Variants in AJAP1 observed in about 807,000 individuals in gnomAD.
AJAP1 encodes the protein adherens junctions associated protein 1.
Under a neutral mutation model 35.0 loss-of-function variants are expected in AJAP1, and 5 were observed. That is an observed-to-expected ratio of 0.14 (90% confidence interval 0.07 to 0.30). The LOEUF (loss-of-function observed/expected upper bound fraction) is 0.30. AJAP1 is among the 10% of genes least tolerant of loss of function. The probability of loss-of-function intolerance (pLI) is 1.00; values close to 1 mark genes in which losing one functional copy is unlikely to be tolerated. For missense variants in AJAP1, 586 were observed against 571.0 expected (o/e 1.03, Z -0.27); for synonymous variants, 284 against 249.3 (o/e 1.14, Z -1.31).
intron 1 of AJAP1, among the ~76,000 whole-genome samples, chr1:4,707,561 C>T (rs967854654): frequency 3.9e-5 from 6 of 152,170 alleles, no homozygotes; most frequent in Non-Finnish European, 8.8e-5. Context: ...TTTCAAGGTG[C>T]TTCCACATTG....
chr1:4,685,581 C>T (rs535725471), intron 1 of AJAP1, among the ~76,000 whole-genome samples: 1 of 152,370 alleles, frequency 6.6e-6, no homozygotes, highest in South Asian at 2.1e-4. Flanking sequence ...ATGGCATCGA[C>T]AGATCACCCA....
intron 5 of AJAP1, among the ~76,000 whole-genome samples, chr1:4,781,673 C>T (rs897294275): frequency 2.0e-5 from 3 of 152,222 alleles, no homozygotes; most frequent in African/African-American, 7.2e-5. Flanking sequence ...CTCTGAGTGA[C>T]AGCAGAGGGA....
chr1:4,691,672 C>G (rs1639742641), intron 1 of AJAP1, among the ~76,000 whole-genome samples: 1 of 152,116 alleles, frequency 6.6e-6, no homozygotes, highest in Non-Finnish European at 1.5e-5. Flanking sequence ...CACCCGCTGA[C>G]TCCAGGAGTC....
In AJAP1 at chr1:4,723,325, C is replaced by G. The variant is rs1475265284; in HGVS notation, c.829+10626C>G. Among the ~76,000 whole-genome samples, 4 of 152,202 alleles carry G rather than the reference C, an allele frequency of 2.6e-5. No individual in the cohort carries two copies. The South Asian group carries it at 8.3e-4, about 32-fold the overall frequency. On this transcript the variant is annotated intron_variant, in intron 2 of 5. Coordinates refer to ENST00000378191, the MANE Select transcript of AJAP1 (RefSeq NM_018836.4). This position sits in a 1 kb window ranked among gnomAD's most constrained non-coding sequence, Gnocchi z 4.3. ...GTGGATACTCCTTGGATTCCTGAGT[C>G]TGCCACTCGGGGGCTGGTGCAGCCC... is the stretch of plus-strand genomic sequence containing the variant.
intron 1 of AJAP1, among the ~76,000 whole-genome samples, chr1:4,670,578 A>G (rs910145755): frequency 1.3e-5 from 2 of 152,220 alleles, no homozygotes; most frequent in Non-Finnish European, 2.9e-5. Context: ...CACTGGAAGC[A>G]GCGTTCTTGC....
At position 4,723,631 on chromosome 1, in the gene AJAP1, G is replaced by A. The variant is rs1174206111; in HGVS notation, c.829+10932G>A. 2.6e-5 allele frequency among the ~76,000 whole-genome samples: 4 copies of A among 152,152 alleles called. No individual in the cohort carries two copies. Among genetic ancestry groups the A allele is most frequent in the African/African-American group, 4.8e-5 (2 of 41,436 alleles). ...AGACGTGGTGAGGGGAGAGTCCTGC[G>A]AGGGCGATGGAAGGGAGACGGGAGG... On this transcript the variant is annotated intron_variant, in intron 2 of 5. Transcript: ENST00000378191. This position sits in a 1 kb window ranked among gnomAD's most constrained non-coding sequence, Gnocchi z 4.3.
chr1:4,747,208 T>A (rs976811779), intron 2 of AJAP1, among the ~76,000 whole-genome samples: 1 of 152,088 alleles, frequency 6.6e-6, no homozygotes, highest in Non-Finnish European at 1.5e-5. Flanking sequence ...TCAGCCTCAC[T>A]CCCTCCAGGA....
intron 2 of AJAP1, among the ~76,000 whole-genome samples, chr1:4,716,661 G>GATAATGATGGTA (rs1036111817): frequency 1.3e-5 from 2 of 151,186 alleles, no homozygotes. Flanking sequence ...TGATGGTGAT[G>GATAATGATGGTA]ATAATGATGG....
chr1:4,659,326 A>G (rs1638951148), intron 1 of AJAP1, among the ~76,000 whole-genome samples: 1 of 152,164 alleles, frequency 6.6e-6, no homozygotes, highest in Non-Finnish European at 1.5e-5. Flanking sequence ...CTGGCTTGAG[A>G]GGGTTTCTCC....
At chr1:4,678,342 A>G (rs2100524965) in intron 1 of AJAP1, among the ~76,000 whole-genome samples, 1 of 152,356 alleles carries the variant, frequency 6.6e-6, no homozygotes, top group Middle Eastern at 3.4e-3. Flanking sequence ...CAACTCATAC[A>G]TATTATCTCA....
chr1:4,712,467 C>A lies in AJAP1; in HGVS notation c.597C>A (p.Gly199=), dbSNP rs374804433. ...CCCTGGAGTCCAACACATTTCCGGG[C>A]GTTTACGGCCCCACCACGGTCTCCA... ...EEALESNTFP[G]VYGPTTVSIL... The change falls in exon 2 of 6, where the codon GGC becomes GGA. Residue 199 remains glycine, a synonymous_variant. Coordinates refer to ENST00000378191, the MANE Select transcript of AJAP1 (RefSeq NM_018836.4). The A allele has an allele frequency of 6.2e-5, 100 of 1,610,990 alleles. No homozygotes were observed. Among genetic ancestry groups the A allele is most frequent in the Non-Finnish European group, 8.0e-5 (94 of 1,178,938 alleles).
chr1:4,710,056 ACACT>A (rs1474766210), intron 1 of AJAP1, among the ~76,000 whole-genome samples: 8 of 152,128 alleles, frequency 5.3e-5, no homozygotes, highest in African/African-American at 1.7e-4. Context: ...ACACACAGAC[ACACT>A]CACACATAGA....
At chr1:4,703,133 A>G (rs909057744) in intron 1 of AJAP1, among the ~76,000 whole-genome samples, 1 of 152,236 alleles carries the variant, frequency 6.6e-6, no homozygotes, top group Non-Finnish European at 1.5e-5. Context: ...CAATCATATT[A>G]AATCAAGAGG....
chr1:4,698,651 C>T (rs984530293), intron 1 of AJAP1, among the ~76,000 whole-genome samples: 6 of 152,196 alleles, frequency 3.9e-5, no homozygotes, highest in East Asian at 1.9e-4. Flanking sequence ...CATCCTTCCT[C>T]GGTGTGACCG....
Position 4,712,290 on chromosome 1 carries a change from G to A in AJAP1, c.420G>A (p.Ala140=), listed in dbSNP as rs1011593029. ...LASSSSSSSS[A]VAGGAPEQQA... is the part of the protein sequence containing the mutation. ...CTTCGTCCTCGTCCTCGTCCTCCGC[G>A]GTGGCCGGTGGGGCCCCGGAGCAGC... The change falls in exon 2 of 6, where the codon GCG becomes GCA. Residue 140 remains alanine, a synonymous_variant. Coordinates refer to ENST00000378191, the MANE Select transcript of AJAP1 (RefSeq NM_018836.4). The A allele has an allele frequency of 2.0e-6, 3 of 1,498,800 alleles. No individual in the cohort carries two copies. Among genetic ancestry groups the A allele is most frequent in the Admixed American group, 2.3e-5 (1 of 43,434 alleles). 92.8% of individuals were successfully genotyped at this position (1,498,800 alleles called of 1,614,324 possible).
intron 2 of AJAP1, among the ~76,000 whole-genome samples, chr1:4,759,238 T>C (rs1641511173): frequency 6.6e-6 from 1 of 152,200 alleles, no homozygotes; most frequent in African/African-American, 2.4e-5. Context: ...GGCACATCAG[T>C]CCTGCACCAG....
rs372144757 is a variant in AJAP1 at position 4,665,771 on chromosome 1, TG to T, written c.29+10320del. Among the ~76,000 whole-genome samples the T allele has an allele frequency of 4.1e-4, 62 of 152,322 alleles. No individual in the cohort carries two copies. The East Asian group carries it at 0.012, about 29-fold the overall frequency. On this transcript the variant is annotated intron_variant, in intron 1 of 5. Coordinates refer to ENST00000378191, the MANE Select transcript of AJAP1 (RefSeq NM_018836.4). ...ACACGGATGAGTGGCCACCGCGTGC[TG>T]GGTGCTGTGCTGGGCACAGGGATGA...
intron 1 of AJAP1, among the ~76,000 whole-genome samples, chr1:4,710,358 C>G (rs192044804): frequency 6.6e-6 from 1 of 152,196 alleles, no homozygotes; most frequent in Non-Finnish European, 1.5e-5. Context: ...CGTGGACACA[C>G]CCCCAGATGC....
intron 2 of AJAP1, among the ~76,000 whole-genome samples, chr1:4,728,049 C>G (rs1640711472): frequency 6.6e-6 from 1 of 152,184 alleles, no homozygotes. Context: ...AAAGCCATAG[C>G]CAGACTCCAG....
Sources: gnomAD v4.1 joint callset for allele counts (sites outside exome capture counted in the v4.1 genomes callset) on GRCh38, gnomAD v4.1.1 for gene constraint, Gnocchi (gnomAD v3.1) non-coding constraint, MANE v1.5 for transcripts, NCBI Gene and HGNC (gene_info 2026-07-23, HGNC 2026-07-21) for gene names.